FAM117B: variants seen among roughly 807,000 people sequenced by gnomAD.
FAM117B encodes family with sequence similarity 117 member B.
FAM117B carries 22 observed loss-of-function variants against 52.8 expected under a neutral mutation model. The observed-to-expected ratio is 0.42, with a 90% CI of 0.30 to 0.59. The LOEUF (loss-of-function observed/expected upper bound fraction) is 0.59, where lower values mean the gene tolerates loss of function less well. Ranked by LOEUF, FAM117B falls within the 20% of genes least tolerant of loss-of-function variation. FAM117B has a pLI of 0.22. For synonymous variants in FAM117B, 309 were observed against 324.1 expected (o/e 0.95, Z 0.50); for missense variants, 678 against 802.6 (o/e 0.84, Z 1.88).
intron 7 of FAM117B, among the ~76,000 whole-genome samples, chr2:202,763,077 T>G (rs1402491187): frequency 6.7e-6 from 1 of 148,360 alleles, no homozygotes; most frequent in Non-Finnish European, 1.5e-5. Context: ...AGTCTTTTTT[T>G]TTTTTTTTTT....
intron 1 of FAM117B, among the ~76,000 whole-genome samples, chr2:202,648,998 C>G (rs1350209221): frequency 2.0e-5 from 3 of 147,650 alleles, no homozygotes; most frequent in Non-Finnish European, 4.4e-5. Context: ...GGGCGTTCTG[C>G]CCGCCTCAGC....
At chr2:202,738,946 C>G (rs1160575975) in intron 4 of FAM117B, among the ~76,000 whole-genome samples, 3 of 152,062 alleles carry the variant, frequency 2.0e-5, no homozygotes, top group Non-Finnish European at 4.4e-5. Flanking sequence ...CCCAGCACTT[C>G]GGTAGGCTGA....
At chr2:202,674,109 C>G (rs1446193781) in intron 1 of FAM117B, among the ~76,000 whole-genome samples, 3 of 152,134 alleles carry the variant, frequency 2.0e-5, no homozygotes, top group Non-Finnish European at 4.4e-5. Context: ...CTATCCATGG[C>G]TTTAACCTGT....
rs116637615 is a variant in FAM117B, at chr2:202,765,149, G to A, written c.1452-297G>A. 7.5e-3 allele frequency among the ~76,000 whole-genome samples: 1,143 copies of A among 152,188 alleles called. 11 individuals are homozygous for A. The highest frequency in any genetic ancestry group is 0.027 in the African/African-American group (1,105 of 41,522). On this transcript the variant is annotated intron_variant, in intron 7 of 7. Coordinates refer to ENST00000392238, the MANE Select transcript of FAM117B (RefSeq NM_173511.4). ...GACCGTCTTAGCTCATCATTGACAT[G>A]CAGTGCTCATCGGGCTGAGCCACCT...
At position 202,644,075 on chromosome 2, in the gene FAM117B, T is replaced by G. The variant is rs574669914; in HGVS notation, c.601+8287T>G. ...GCTGTTTTTTTTTTGTTTTTTTTTTTTTTTTTTTTCAGTTTTATGTATTAT... is the reference window on the plus strand; with the variant it reads ...GCTGTTTTTTTTTTGTTTTTTTTTTGTTTTTTTTTCAGTTTTATGTATTAT... On this transcript the variant is annotated intron_variant, in intron 1 of 7. Transcript: ENST00000392238. Among the ~76,000 whole-genome samples, 89 of 146,808 alleles carry G rather than the reference T, an allele frequency of 6.1e-4. 1 individual carries two copies. Among genetic ancestry groups the G allele is most frequent in the South Asian group, 3.9e-3 (18 of 4,614 alleles).
chr2:202,725,141 CA>C, intron 3 of FAM117B, 132 bp downstream of exon 3: 2 of 557,852 alleles, frequency 3.6e-6, no homozygotes, highest in Non-Finnish European at 6.2e-6. Flanking sequence ...TCTGAAATAA[CA>C]AAAACAATTA....
chr2:202,697,082 A>G (rs1056672976), intron 2 of FAM117B, among the ~76,000 whole-genome samples: 2 of 151,262 alleles, frequency 1.3e-5, no homozygotes, highest in Non-Finnish European at 2.9e-5. Context: ...AAAAGAAAAA[A>G]CAAAGAAGAA....
rs931894497 is a variant in FAM117B at position 202,634,988 on chromosome 2, A to G, written c.-200A>G. On this transcript the variant is annotated 5_prime_UTR_variant, in exon 1 of 8. It removes an upstream start codon present in the reference 5' UTR. Transcript: ENST00000392238. Reference sequence around the variant, plus strand: ...GGCAGCAGAGGAGACACTATTGTTGATGAGGAGCGGCGGCGGCGGCGGCGG... The same window carrying G: ...GGCAGCAGAGGAGACACTATTGTTGGTGAGGAGCGGCGGCGGCGGCGGCGG... Among the ~76,000 whole-genome samples the G allele has an allele frequency of 1.4e-5, 2 of 142,762 alleles. No individual in the cohort carries two copies. Among genetic ancestry groups the G allele is most frequent in the Non-Finnish European group, 3.1e-5 (2 of 65,568 alleles). 93.7% of individuals were successfully genotyped at this position (142,762 alleles called of 152,430 possible). A position where few individuals can be genotyped will look rare whatever the true frequency, so the allele number is the denominator to read the frequency against.
At chr2:202,697,764 G>A (rs936969876) in intron 2 of FAM117B, among the ~76,000 whole-genome samples, 4 of 151,840 alleles carry the variant, frequency 2.6e-5, no homozygotes. Context: ...TGGCCAGGCT[G>A]GTCTCAAACT....
At chr2:202,648,382 C>T (rs1209627362) in intron 1 of FAM117B, among the ~76,000 whole-genome samples, 2 of 151,744 alleles carry the variant, frequency 1.3e-5, no homozygotes, top group Non-Finnish European at 2.9e-5. Flanking sequence ...GTATAGCGGT[C>T]GGTGTGCGCC....
At chr2:202,758,219 C>T (rs971095784) in intron 6 of FAM117B, among the ~76,000 whole-genome samples, 12 of 152,190 alleles carry the variant, frequency 7.9e-5, no homozygotes, top group Non-Finnish European at 1.5e-4. Context: ...TACTACTACT[C>T]ATCACCTAAG....
chr2:202,651,288 C>T (rs1045765165), intron 1 of FAM117B, among the ~76,000 whole-genome samples: 5 of 151,900 alleles, frequency 3.3e-5, no homozygotes, highest in African/African-American at 1.2e-4. Flanking sequence ...TCTCGAACTC[C>T]TGATTGCAGG....
At chr2:202,707,995 C>G (rs577356293) in intron 2 of FAM117B, among the ~76,000 whole-genome samples, 130 of 152,174 alleles carry the variant, frequency 8.5e-4, no homozygotes, top group Middle Eastern at 3.4e-3. Context: ...GTCTCGAACT[C>G]CTGACCTCAG....
At chr2:202,719,801 C>G (rs997024536) in intron 2 of FAM117B, among the ~76,000 whole-genome samples, 1 of 152,166 alleles carries the variant, frequency 6.6e-6, no homozygotes, top group African/African-American at 2.4e-5. Flanking sequence ...ATCCTTTAAT[C>G]TAGAGAAGTT....
intron 4 of FAM117B, among the ~76,000 whole-genome samples, chr2:202,745,606 T>G (rs1691619392): frequency 6.6e-6 from 1 of 152,212 alleles, no homozygotes; most frequent in Admixed American, 6.5e-5. Context: ...TTCTTACCTA[T>G]CAACAACAAC....
chr2:202,700,599 G>A (rs1325585285), intron 2 of FAM117B, among the ~76,000 whole-genome samples: 1 of 152,058 alleles, frequency 6.6e-6, no homozygotes, highest in Non-Finnish European at 1.5e-5. Context: ...GAAAGGTGAA[G>A]CAGCAAGTAC....
At chr2:202,644,064 G>GTTTTTTTTTTTTTTTTTTTTTCTTT (rs1161026426) in intron 1 of FAM117B, among the ~76,000 whole-genome samples, 1 of 95,138 alleles carries the variant, frequency 1.1e-5, no homozygotes, top group African/African-American at 4.5e-5. Context: ...TTTTTTTTTT[G>GTTTTTTTTTTTTTTTTTTTTTCTTT]TTTTTTTTTT....
At chr2:202,652,173 G>A (rs1293015069) in intron 1 of FAM117B, among the ~76,000 whole-genome samples, 3 of 151,616 alleles carry the variant, frequency 2.0e-5, no homozygotes, top group African/African-American at 4.8e-5. Flanking sequence ...ATCTTGGTTC[G>A]CTGCAGCCTC....
At chr2:202,644,004 C>T (rs572035912) in intron 1 of FAM117B, among the ~76,000 whole-genome samples, 2 of 149,336 alleles carry the variant, frequency 1.3e-5, no homozygotes, top group Non-Finnish European at 3.0e-5. Context: ...GCCACCGTGC[C>T]TGGCCTACAC....
Sources: gnomAD v4.1 joint callset for allele counts (sites outside exome capture counted in the v4.1 genomes callset) on GRCh38, gnomAD v4.1.1 for gene constraint, MANE v1.5 for transcripts, NCBI Gene and HGNC (gene_info 2026-07-23, HGNC 2026-07-21) for gene names.